The following LRP1B variants were observed in gnomAD, a reference collection of about 807,000 sequenced individuals.
LRP1B encodes low-density lipoprotein receptor-related protein 1B.
Under a neutral mutation model 556.6 loss-of-function variants are expected in LRP1B, and 217 were observed. The ratio of observed to expected loss-of-function variants is 0.39; its 90% CI spans 0.35 to 0.44. The LOEUF (loss-of-function observed/expected upper bound fraction) is 0.44, where lower values mean the gene tolerates loss of function less well. Among genes scored for constraint, LRP1B ranks in the 20% least tolerant of loss-of-function variants. LRP1B has a pLI of 1.00. For missense variants in LRP1B, 5,053 were observed against 5,620.8 expected (o/e 0.90, Z 3.23); for synonymous variants, 2,047 against 1,865.8 (o/e 1.10, Z -2.50).
In LRP1B at chr2:140,536,709, G is replaced by C. The variant is rs746971694; in HGVS notation, c.7514C>G (p.Thr2505Ser). 6 of 1,568,586 alleles carry C rather than the reference G, an allele frequency of 3.8e-6. No homozygotes were observed. The highest frequency in any genetic ancestry group is 5.2e-6 in the Non-Finnish European group (6 of 1,163,194). Residue 2505 changes from threonine (T) to serine (S), a missense_variant and splice_region_variant, in exon 46 of 91, where the codon ACT becomes AGT. This residue lies in a region of LRP1B where 3,619 missense variants were observed against 3,931.9 expected (regional missense o/e 0.92). Transcript: ENST00000389484. ...RILLEDNRCVTKNSSCNAYSE... is the reference protein window; with the variant it reads ...RILLEDNRCVSKNSSCNAYSE... The stretch of plus-strand genomic sequence containing the variant: ...ATAAGCGTTGCAGGAGGAATTTTTA[G>C]CTGCAAGAAAAAAAAAAAAAGTCAA...
At chr2:141,711,705 C>T (rs981478025) in intron 2 of LRP1B, among the ~76,000 whole-genome samples, 3 of 152,118 alleles carry the variant, frequency 2.0e-5, no homozygotes, top group African/African-American at 7.2e-5. Flanking sequence ...CACAGGCTCC[C>T]TTACTCTCAG....
intron 3 of LRP1B, among the ~76,000 whole-genome samples, chr2:141,432,142 T>G (rs922912639): frequency 6.6e-6 from 1 of 152,098 alleles, no homozygotes; most frequent in African/African-American, 2.4e-5. Context: ...TCACTCCAAG[T>G]TTACTGAGGA....
intron 41 of LRP1B, among the ~76,000 whole-genome samples, chr2:140,679,098 A>G (rs909482853): frequency 2.6e-5 from 4 of 152,072 alleles, no homozygotes; most frequent in Admixed American, 2.6e-4. Flanking sequence ...TTTTTCTTGC[A>G]GAGGGCTGCC....
At chr2:141,940,294 T>A (rs1250646907) in intron 1 of LRP1B, among the ~76,000 whole-genome samples, 1 of 152,156 alleles carries the variant, frequency 6.6e-6, no homozygotes, top group East Asian at 1.9e-4. Flanking sequence ...TATATATGAT[T>A]AAGAGTTAAT....
intron 1 of LRP1B, among the ~76,000 whole-genome samples, chr2:141,839,581 T>C (rs1002847139): frequency 3.3e-5 from 5 of 152,202 alleles, no homozygotes; most frequent in African/African-American, 1.2e-4. Context: ...TCGGTTAGGC[T>C]GTAACAGTGG....
rs74397598 is a variant in LRP1B at position 140,729,609 on chromosome 2, A to G, written c.5759-12793T>C. Among the ~76,000 whole-genome samples, 479 of 152,282 alleles carry G rather than the reference A, an allele frequency of 3.1e-3. 4 individuals are homozygous for G. The highest frequency in any genetic ancestry group is 3.4e-3 in the Middle Eastern group (1 of 294). ...GTTTTAATGTGAATCAATACTTTCT[A>G]TTGAAGGCCATGTGTATTAAAGGAG... On this transcript the variant is annotated intron_variant, in intron 35 of 90. Coordinates refer to ENST00000389484, the MANE Select transcript of LRP1B (RefSeq NM_018557.3).
chr2:140,597,266 A>G (rs1288182598), intron 43 of LRP1B, among the ~76,000 whole-genome samples: 1 of 152,108 alleles, frequency 6.6e-6, no homozygotes, highest in Non-Finnish European at 1.5e-5. Flanking sequence ...GTCAGAAAAA[A>G]TCCTTTAAAT....
At chr2:140,342,173 TACA>T (rs1272977520) in intron 77 of LRP1B, among the ~76,000 whole-genome samples, 8 of 151,240 alleles carry the variant, frequency 5.3e-5, no homozygotes, top group Non-Finnish European at 1.2e-4. Context: ...TCATAGTACA[TACA>T]ACAACTTCAT....
At chr2:141,284,972 A>G (rs1685650738) in intron 3 of LRP1B, among the ~76,000 whole-genome samples, 1 of 152,170 alleles carries the variant, frequency 6.6e-6, no homozygotes, top group Non-Finnish European at 1.5e-5. Flanking sequence ...TAAAACCAAC[A>G]TGTCAATTTC....
At chr2:141,962,388 AG>A (rs1701426043) in intron 1 of LRP1B, among the ~76,000 whole-genome samples, 2 of 151,810 alleles carry the variant, frequency 1.3e-5, no homozygotes, top group African/African-American at 2.4e-5. Flanking sequence ...TTGTTAAAAA[AG>A]CTATGTTTAT....
intron 41 of LRP1B, among the ~76,000 whole-genome samples, chr2:140,626,550 A>G (rs1012195743): frequency 1.3e-5 from 2 of 152,158 alleles, no homozygotes; most frequent in African/African-American, 4.8e-5. Context: ...TCTAGTAACA[A>G]TAAATAAAAT....
intron 2 of LRP1B, among the ~76,000 whole-genome samples, chr2:141,611,193 C>G (rs748782176): frequency 6.6e-4 from 100 of 152,276 alleles, no homozygotes; most frequent in Middle Eastern, 3.4e-3. Context: ...AGCTACATCT[C>G]CTCTGTAGTA....
At chr2:141,725,454 T>C (rs1041743774) in intron 2 of LRP1B, among the ~76,000 whole-genome samples, 21 of 151,986 alleles carry the variant, frequency 1.4e-4, no homozygotes, top group South Asian at 8.3e-4. Flanking sequence ...AGAAGTGTCA[T>C]TGATCAAGAG....
intron 3 of LRP1B, among the ~76,000 whole-genome samples, chr2:141,440,898 T>G (rs1214952709): frequency 1.3e-5 from 2 of 152,048 alleles, no homozygotes; most frequent in Admixed American, 6.6e-5. Flanking sequence ...TGGAAGACAA[T>G]TTCTGGTTGT....
At chr2:142,039,776 C>A (rs909066278) in intron 1 of LRP1B, among the ~76,000 whole-genome samples, 38 of 151,476 alleles carry the variant, frequency 2.5e-4, no homozygotes, top group Non-Finnish European at 7.4e-5. Context: ...TTCACTATTT[C>A]TCATTGCTTT....
chr2:141,150,869 T>TTGTGTGTGTGTGTGTGTG lies in LRP1B; in HGVS notation c.1013+37534_1013+37551dup, dbSNP rs56107003. 5.8e-4 allele frequency among the ~76,000 whole-genome samples: 80 copies of TTGTGTGTGTGTGTGTGTG among 138,706 alleles called. 1 individual carries two copies. Among genetic ancestry groups the TTGTGTGTGTGTGTGTGTG allele is most frequent in the African/African-American group, 1.8e-3 (66 of 37,354 alleles). The allele number at this position is 138,706 out of a possible 152,430, so 91.0% of individuals were successfully genotyped here. A position where few individuals can be genotyped will look rare whatever the true frequency, so the allele number is the denominator to read the frequency against. On this transcript the variant is annotated intron_variant, in intron 7 of 90. Coordinates refer to ENST00000389484, the MANE Select transcript of LRP1B (RefSeq NM_018557.3). ...ATGGCCTTCATATTGTCATGCTGGT[T>TTGTGTGTGTGTGTGTGTG]TGTGTGTGTGTGTGTGTGTGTGTGT...
chr2:140,591,078 G>T (rs539249895), intron 43 of LRP1B, among the ~76,000 whole-genome samples: 1 of 152,072 alleles, frequency 6.6e-6, no homozygotes, highest in Non-Finnish European at 1.5e-5. Flanking sequence ...ATTAAGGTCT[G>T]ATTATAATTT....
chr2:140,352,947 T>A lies in LRP1B; in HGVS notation c.11650+6A>T. ...ATAGGATTTGCAATAGTGGTTATAA[T>A]CTTACCTTCTGCTATGCAGGTGTTA... On this transcript the variant is annotated splice_donor_region_variant and intron_variant, in intron 76 of 90. Coordinates refer to ENST00000389484, the MANE Select transcript of LRP1B (RefSeq NM_018557.3). 6.2e-7 allele frequency: 1 copy of A among 1,609,702 alleles called. No homozygotes were observed. The highest frequency in any genetic ancestry group is 8.5e-7 in the Non-Finnish European group (1 of 1,178,410).
chr2:140,513,070 AAGG>A (rs1689732996), intron 51 of LRP1B, among the ~76,000 whole-genome samples: 1 of 152,164 alleles, frequency 6.6e-6, no homozygotes, highest in Non-Finnish European at 1.5e-5. Flanking sequence ...TCGACAAAGA[AAGG>A]AGGCAGGAGA....
Sources: gnomAD v4.1 joint callset for allele counts (sites outside exome capture counted in the v4.1 genomes callset) on GRCh38, gnomAD v4.1.1 for gene constraint, gnomAD v4.1.1 regional missense constraint, MANE v1.5 for transcripts, NCBI Gene and HGNC (gene_info 2026-07-23, HGNC 2026-07-21) for gene names.